The following CDKAL1 variants were observed in gnomAD, a reference collection of about 807,000 sequenced individuals.
CDKAL1 encodes CDKAL1 threonylcarbamoyladenosine tRNA methylthiotransferase, also known as threonylcarbamoyladenosine tRNA methylthiotransferase.
In CDKAL1, 32 loss-of-function variants were observed where a neutral mutation model predicts 68.2. The ratio of observed to expected loss-of-function variants is 0.47; its 90% CI spans 0.35 to 0.63. The LOEUF (loss-of-function observed/expected upper bound fraction) is 0.63, where lower values mean the gene tolerates loss of function less well. Ranked by LOEUF, CDKAL1 falls within the 30% of genes least tolerant of loss-of-function variation. The probability of loss-of-function intolerance (pLI) is 0.00; values close to 1 mark genes in which losing one functional copy is unlikely to be tolerated. For synonymous variants in CDKAL1, 234 were observed against 244.3 expected, an observed-to-expected ratio of 0.96 and a Z score of 0.39; for missense variants, 606 against 696.7, an observed-to-expected ratio of 0.87 and a Z score of 1.47.
intron 6 of CDKAL1, among the ~76,000 whole-genome samples, chr6:20,741,020 A>G (rs565798129): frequency 2.1e-4 from 32 of 152,250 alleles, no homozygotes; most frequent in African/African-American, 7.7e-4. Context: ...TCAAGGAATT[A>G]CGTTAGAGAA....
rs576902372 is a variant in CDKAL1 at position 20,618,922 on chromosome 6, A to G, written c.287-30371A>G. Among the ~76,000 whole-genome samples, 15 of 152,088 alleles carry G rather than the reference A, an allele frequency of 9.9e-5. 1 individual carries two copies. In the South Asian group the frequency reaches 3.1e-3, roughly 32 times the overall value. On this transcript the variant is annotated intron_variant, in intron 4 of 15. Transcript: ENST00000274695. ...TTGAACTCCTGAGCTCAAGCAGTCC[A>G]CCCTCCTTGGCCTCCCAAAGTGCTG... is the stretch of plus-strand genomic sequence containing the variant.
intron 15 of CDKAL1, 55 bp downstream of exon 15, chr6:21,201,329 G>C: frequency 6.9e-7 from 1 of 1,447,766 alleles, no homozygotes; most frequent in Non-Finnish European, 9.5e-7. Flanking sequence ...AGCTGTGGAA[G>C]CACAGTGATT....
At position 21,127,638 on chromosome 6, in the gene CDKAL1, T is replaced by C. The variant is rs139517533; in HGVS notation, c.1299+19175T>C. Among the ~76,000 whole-genome samples the C allele has an allele frequency of 2.2e-4, 33 of 152,102 alleles. No individual in the cohort carries two copies. In the East Asian group the frequency reaches 3.9e-3, roughly 18 times the overall value. On this transcript the variant is annotated intron_variant, in intron 13 of 15. Coordinates refer to ENST00000274695, the MANE Select transcript of CDKAL1 (RefSeq NM_017774.3). The stretch of plus-strand genomic sequence containing the variant: ...CCTGGTGGGTGCCTGTAATCCCAGC[T>C]ACTTGAGAGGCTGAGACAGGAGAAT...
intron 8 of CDKAL1, among the ~76,000 whole-genome samples, chr6:20,783,740 T>C (rs1227912046): frequency 6.6e-6 from 1 of 152,218 alleles, no homozygotes; most frequent in Non-Finnish European, 1.5e-5. Context: ...GTCATTTGTA[T>C]CTTCCACTAC....
intron 5 of CDKAL1, among the ~76,000 whole-genome samples, chr6:20,687,250 T>G (rs113185180): frequency 0.015 from 2,275 of 152,260 alleles, 48 homozygotes; most frequent in African/African-American, 0.052. Context: ...TATGGAAAAT[T>G]GTCATAATTA....
chr6:20,591,929 G>A (rs2127701343), intron 4 of CDKAL1, among the ~76,000 whole-genome samples: 1 of 152,302 alleles, frequency 6.6e-6, no homozygotes, highest in African/African-American at 2.4e-5. Context: ...TAGCTTGATG[G>A]AGATAGCATT....
rs148582761 is a variant in CDKAL1, at chr6:20,888,123, G to A, written c.742+41945G>A. ...TATTTCTCCTAATGCTGTCCCTCCCGCATTCCCGCACCCCATGACAGGCCC... is the reference window on the plus strand; with the variant it reads ...TATTTCTCCTAATGCTGTCCCTCCCACATTCCCGCACCCCATGACAGGCCC... On this transcript the variant is annotated intron_variant, in intron 9 of 15. Coordinates refer to ENST00000274695, the MANE Select transcript of CDKAL1 (RefSeq NM_017774.3). Among the ~76,000 whole-genome samples, 463 of 151,542 alleles carry A rather than the reference G, an allele frequency of 3.1e-3. 1 individual carries two copies. Among genetic ancestry groups the A allele is most frequent in the African/African-American group, 0.01 (429 of 41,330 alleles).
chr6:21,004,318 C>G (rs771344883), intron 11 of CDKAL1, among the ~76,000 whole-genome samples: 1 of 152,132 alleles, frequency 6.6e-6, no homozygotes, highest in African/African-American at 2.4e-5. Context: ...GTTCATTATT[C>G]TCTTCAGTTG....
rs551569209 is a variant in CDKAL1 at position 21,020,570 on chromosome 6, C to T, written c.1055+20198C>T. On this transcript the variant is annotated intron_variant, in intron 11 of 15. Transcript: ENST00000274695. ...ACAACCTCTGCCTCCCAGGTTCAAG[C>T]GATTCTCCTGCCTCAGCCTCCTGAG... 1.1e-4 allele frequency among the ~76,000 whole-genome samples: 16 copies of T among 152,084 alleles called. No homozygotes were observed. The East Asian group carries it at 1.4e-3, about 13-fold the overall frequency.
At chr6:21,130,490 G>A (rs1775258398) in intron 13 of CDKAL1, among the ~76,000 whole-genome samples, 1 of 152,176 alleles carries the variant, frequency 6.6e-6, no homozygotes, top group African/African-American at 2.4e-5. Context: ...CTCCCAAAGT[G>A]CTGGGATTAC....
intron 4 of CDKAL1, among the ~76,000 whole-genome samples, chr6:20,569,771 C>T (rs1764621529): frequency 6.6e-6 from 1 of 152,184 alleles, no homozygotes; most frequent in Admixed American, 6.5e-5. Context: ...CTTTCAGAAT[C>T]AGTAGAATTT....
intron 5 of CDKAL1, among the ~76,000 whole-genome samples, chr6:20,718,179 C>A (rs749577817): frequency 6.6e-6 from 1 of 152,200 alleles, no homozygotes; most frequent in Non-Finnish European, 1.5e-5. Flanking sequence ...AACGTTAATT[C>A]ATCTCTCAAT....
chr6:21,085,701 GAGAATTCAACTGTATA>G (rs1772653804), intron 12 of CDKAL1, among the ~76,000 whole-genome samples: 1 of 152,182 alleles, frequency 6.6e-6, no homozygotes, highest in South Asian at 2.1e-4. Flanking sequence ...GCTCCATCAA[GAGAATTCAACTGTATA>G]ATCCTCCTGG....
At chr6:20,604,916 G>C (rs1010924598) in intron 4 of CDKAL1, among the ~76,000 whole-genome samples, 1 of 152,146 alleles carries the variant, frequency 6.6e-6, no homozygotes, top group African/African-American at 2.4e-5. Context: ...ACTGAGCTTT[G>C]CTGAGCTCTG....
chr6:21,131,883 CT>C (rs1402105181), intron 13 of CDKAL1, among the ~76,000 whole-genome samples: 2 of 152,006 alleles, frequency 1.3e-5, no homozygotes, highest in Admixed American at 6.6e-5. Flanking sequence ...CTTTGTGATT[CT>C]TTAAATTAAT....
chr6:20,864,177 A>C (rs1011317907), intron 9 of CDKAL1, among the ~76,000 whole-genome samples: 1 of 129,338 alleles, frequency 7.7e-6, no homozygotes. Flanking sequence ...CACATGAAAA[A>C]TATCCCTTTC....
intron 15 of CDKAL1, among the ~76,000 whole-genome samples, chr6:21,206,633 T>C (rs1409801708): frequency 6.6e-6 from 1 of 152,194 alleles, no homozygotes; most frequent in Non-Finnish European, 1.5e-5. Flanking sequence ...AAAAATTGCT[T>C]TAAAGAAAGA....
chr6:21,110,961 C>T (rs2150995007), intron 13 of CDKAL1, among the ~76,000 whole-genome samples: 1 of 151,928 alleles, frequency 6.6e-6, no homozygotes, highest in South Asian at 2.1e-4. Flanking sequence ...AGAGCAAGAC[C>T]CCGTCTCTAA....
At chr6:21,093,400 T>G (rs1773146021) in intron 12 of CDKAL1, among the ~76,000 whole-genome samples, 1 of 152,114 alleles carries the variant, frequency 6.6e-6, no homozygotes, top group Non-Finnish European at 1.5e-5. Context: ...GAGAGTAAGC[T>G]AAGAAAGAAG....
Sources: gnomAD v4.1 joint callset for allele counts (sites outside exome capture counted in the v4.1 genomes callset) on GRCh38, gnomAD v4.1.1 for gene constraint, MANE v1.5 for transcripts, NCBI Gene and HGNC (gene_info 2026-07-23, HGNC 2026-07-21) for gene names.